Variants in TASOR observed in about 807,000 individuals in gnomAD.
The protein encoded by TASOR is protein TASOR.
Under a neutral mutation model 178.6 loss-of-function variants are expected in TASOR, and 53 were observed. That is an observed-to-expected ratio of 0.30 (90% CI 0.24 to 0.37). TASOR has a LOEUF of 0.37. Among genes scored for constraint, TASOR ranks in the 10% least tolerant of loss-of-function variants. TASOR has a pLI of 1.00. For synonymous variants in TASOR, 713 were observed against 696.2 expected (o/e 1.02, Z -0.38); for missense variants, 1,815 against 1,971.4 (o/e 0.92, Z 1.50).
chr3:56,679,924 CCAGT>C (rs1402360267), intron 1 of TASOR, among the ~76,000 whole-genome samples: 2 of 152,142 alleles, frequency 1.3e-5, no homozygotes, highest in African/African-American at 4.8e-5. Flanking sequence ...GTATACCTTT[CCAGT>C]CAAAGACGCA....
At chr3:56,674,345 T>TA (rs71294724) in intron 1 of TASOR, among the ~76,000 whole-genome samples, 5,078 of 135,280 alleles carry the variant, frequency 0.038, 103 homozygotes, top group Middle Eastern at 0.089. Flanking sequence ...TACAAACCAT[T>TA]AAAAAAAAAA....
At chr3:56,672,421 C>T (rs1026203749) in intron 2 of TASOR, among the ~76,000 whole-genome samples, 1 of 152,080 alleles carries the variant, frequency 6.6e-6, no homozygotes, top group Non-Finnish European at 1.5e-5. Context: ...CTTTAGGGAA[C>T]CTTTCAAAAT....
At chr3:56,673,849 T>C in intron 1 of TASOR, 124 bp from the exon 2 acceptor site, 1 of 794,664 alleles carries the variant, frequency 1.3e-6, no homozygotes, top group Non-Finnish European at 1.9e-6. Flanking sequence ...GCTATCTTAC[T>C]TTGTGATACG....
chr3:56,626,961 A>C (rs1290249369), intron 21 of TASOR, 76 bp downstream of exon 21: 13 of 919,674 alleles, frequency 1.4e-5, no homozygotes, highest in Non-Finnish European at 2.0e-5. Context: ...ATAATCTACA[A>C]ACATGGGAAG....
chr3:56,632,048 A>G (rs893249705), intron 18 of TASOR, among the ~76,000 whole-genome samples: 21 of 152,236 alleles, frequency 1.4e-4, no homozygotes, highest in African/African-American at 5.1e-4. Context: ...TAGGGTATCA[A>G]GAAACACCAA....
chr3:56,642,703 G>A (rs755859887), intron 14 of TASOR, among the ~76,000 whole-genome samples: 6 of 152,224 alleles, frequency 3.9e-5, no homozygotes, highest in South Asian at 2.1e-4. Flanking sequence ...GGCCAGGCAC[G>A]GTGGCTCATG....
intron 11 of TASOR, among the ~76,000 whole-genome samples, 180 bp downstream of exon 11, chr3:56,660,551 C>T (rs1429665548): frequency 6.6e-6 from 1 of 150,810 alleles, no homozygotes; most frequent in Non-Finnish European, 1.5e-5. Context: ...GCTCCAATAC[C>T]ATGGCCCAAA....
At chr3:56,662,582 A>T in intron 8 of TASOR, 92 bp from the exon 9 acceptor site, 1 of 580,100 alleles carries the variant, frequency 1.7e-6, no homozygotes, top group South Asian at 2.5e-5. Flanking sequence ...GAAAATATCT[A>T]GAAACAAGGT....
intron 11 of TASOR, among the ~76,000 whole-genome samples, chr3:56,651,078 AG>A (rs1273428288): frequency 7.9e-5 from 12 of 152,106 alleles, no homozygotes; most frequent in Admixed American, 7.9e-4. Context: ...CTGTATTTTA[AG>A]GGGGCCCAAT....
chr3:56,628,031 A>G (rs1486340287), intron 19 of TASOR, among the ~76,000 whole-genome samples: 1 of 152,242 alleles, frequency 6.6e-6, no homozygotes, highest in African/African-American at 2.4e-5. Context: ...GAGTACAGTC[A>G]GAATTCAGAC....
At chr3:56,655,923 A>G (rs1486045508) in intron 11 of TASOR, among the ~76,000 whole-genome samples, 1 of 152,226 alleles carries the variant, frequency 6.6e-6, no homozygotes, top group African/African-American at 2.4e-5. Context: ...TGAAATGCCT[A>G]TGTGATGAGA....
intron 8 of TASOR, among the ~76,000 whole-genome samples, chr3:56,663,328 C>T (rs1197948218): frequency 6.6e-6 from 1 of 152,040 alleles, no homozygotes; most frequent in African/African-American, 2.4e-5. Flanking sequence ...TTATCTTTTT[C>T]TATTAAAGTG....
rs779455714 is a variant in TASOR, at chr3:56,633,370, G to A, written c.3421C>T (p.Pro1141Ser). The A allele has an allele frequency of 3.7e-6, 6 of 1,614,164 alleles. No homozygotes were observed. In the South Asian group the frequency reaches 6.6e-5, roughly 18 times the overall value. ...TCATCAGAGTTGGTATCTTTCAAAG[G>A]ATCACTACACAGTGGCTCAAGGAGA... ...KHLLEPLCSDPLKDTNSDEQH... is the reference protein window; with the variant it reads ...KHLLEPLCSDSLKDTNSDEQH... The change falls in exon 18 of 24, where the codon CCT becomes TCT. Residue 1141 changes from proline (P) to serine (S), a missense_variant. By Grantham distance (74) the Pro-to-Ser change is moderately conservative. This residue lies in a region of TASOR where 655 missense variants were observed against 671.1 expected (regional missense o/e 0.98). Coordinates refer to ENST00000683822, the MANE Select transcript of TASOR (RefSeq NM_001365635.2).
At position 56,681,009 on chromosome 3, in the gene TASOR, C is replaced by T. The variant is rs565540899; in HGVS notation, c.331+1667G>A. 5.5e-4 allele frequency among the ~76,000 whole-genome samples: 84 copies of T among 151,904 alleles called. 1 individual carries two copies. The highest frequency in any genetic ancestry group is 9.7e-4 in the Non-Finnish European group (66 of 67,910). Reference sequence around the variant, plus strand: ...AAAAACACACAAACACAGTGCCTTTCCAGTTCCTACTGCCTTCCCACATTT... The same window carrying T: ...AAAAACACACAAACACAGTGCCTTTTCAGTTCCTACTGCCTTCCCACATTT... On this transcript the variant is annotated intron_variant, in intron 1 of 23. Transcript: ENST00000683822.
In TASOR at chr3:56,639,992, T is replaced by C. The variant is rs754769650; in HGVS notation, c.2758A>G (p.Ile920Val). Reference protein sequence around the residue: ...ETEIHWKLIPITGGNARSPED... With the variant: ...ETEIHWKLIPVTGGNARSPED... Reference sequence around the variant, plus strand: ...CCAAGTATACTTTTCTTACCTGTAATTGGAATCAGTTTCCAATGTATTTCA... The same window carrying C: ...CCAAGTATACTTTTCTTACCTGTAACTGGAATCAGTTTCCAATGTATTTCA... Residue 920 changes from isoleucine (I) to valine (V), a missense_variant, in exon 16 of 24, where the codon ATT (isoleucine) becomes GTT (valine). Ile to Val is a conservative substitution (Grantham distance 29). This residue lies in a region of TASOR where 655 missense variants were observed against 671.1 expected (regional missense o/e 0.98). Transcript: ENST00000683822. 1 of 1,603,946 alleles carries C rather than the reference T, an allele frequency of 6.2e-7. No homozygotes were observed. Among genetic ancestry groups the C allele is most frequent in the Non-Finnish European group, 8.5e-7 (1 of 1,176,638 alleles).
Position 56,621,462 on chromosome 3 carries a change from C to G in TASOR, c.*1575G>C. 9.8e-7 allele frequency: 1 copy of G among 1,025,412 alleles called. No individual in the cohort carries two copies. The highest frequency in any genetic ancestry group is 1.4e-6 in the Non-Finnish European group (1 of 703,732). The allele number at this position is 1,025,412 out of a possible 1,614,324, so 63.5% of individuals were successfully genotyped here. On this transcript the variant is annotated 3_prime_UTR_variant, in exon 24 of 24. Transcript: ENST00000683822. ...ATATGTTTTCCAAGTGAATATAATT[C>G]TAGTTTAACACAACATTGCAAGTCA...
chr3:56,656,963 T>C (rs2077484177), intron 11 of TASOR, among the ~76,000 whole-genome samples: 1 of 150,152 alleles, frequency 6.7e-6, no homozygotes, highest in Non-Finnish European at 1.5e-5. Flanking sequence ...TGAGCCGAGA[T>C]TGCACCATTG....
Position 56,641,733 on chromosome 3 carries a change from G to T in TASOR, c.2235C>A (p.Gly745=). The change falls in exon 15 of 24, where the codon GGC becomes GGA. Residue 745 remains glycine (G), a synonymous_variant. Coordinates refer to ENST00000683822, the MANE Select transcript of TASOR (RefSeq NM_001365635.2). ...HLYEESPQPI[G]SLGHDADLRR... ...TCAAGTCAGCATCATGTCCAAGTGA[G>T]CCAATAGGCTGTGGAGACTCTGAGA... is the stretch of plus-strand genomic sequence containing the variant. 6.2e-7 allele frequency: 1 copy of T among 1,613,302 alleles called. No individual in the cohort carries two copies. Among genetic ancestry groups the T allele is most frequent in the Non-Finnish European group, 8.5e-7 (1 of 1,179,300 alleles).
At position 56,646,618 on chromosome 3, in the gene TASOR, T is replaced by G. The variant is rs2077244139; in HGVS notation, c.2119A>C (p.Lys707Gln). 1.2e-6 allele frequency: 2 copies of G among 1,613,586 alleles called. No individual in the cohort carries two copies. Among genetic ancestry groups the G allele is most frequent in the Non-Finnish European group, 1.7e-6 (2 of 1,180,020 alleles). Residue 707 changes from lysine (K) to glutamine (Q), a missense_variant, in exon 14 of 24, where the codon AAA (lysine) becomes CAA (glutamine). Transcript: ENST00000683822. ...TCAAGCTTCCTCTTCAAGACAGTTTTGCTTCTCATATCTTCTGTGTCTGAG... is the reference window on the plus strand; with the variant it reads ...TCAAGCTTCCTCTTCAAGACAGTTTGGCTTCTCATATCTTCTGTGTCTGAG... ...GDSDTEDMRSKTVLKRKLEDL... is the reference protein window; with the variant it reads ...GDSDTEDMRSQTVLKRKLEDL...
Sources: gnomAD v4.1 joint callset for allele counts (sites outside exome capture counted in the v4.1 genomes callset) on GRCh38, gnomAD v4.1.1 for gene constraint, gnomAD v4.1.1 regional missense constraint, MANE v1.5 for transcripts, NCBI Gene and HGNC (gene_info 2026-07-23, HGNC 2026-07-21) for gene names.